The following GDAP2 variants were observed in gnomAD, a reference collection of about 807,000 sequenced individuals.
GDAP2 encodes the protein ganglioside induced differentiation associated protein 2, also known as ganglioside-induced differentiation-associated protein 2.
Under a neutral mutation model 67.0 loss-of-function variants are expected in GDAP2, and 51 were observed. The observed-to-expected ratio is 0.76, with a 90% CI of 0.61 to 0.96. The LOEUF (loss-of-function observed/expected upper bound fraction) is 0.96. Ranked by LOEUF, GDAP2 falls within the 40% of genes least tolerant of loss-of-function variation. GDAP2 has a pLI of 0.00. For missense variants in GDAP2, 547 were observed against 588.3 expected (o/e 0.93, Z 0.73); for synonymous variants, 203 against 207.3 (o/e 0.98, Z 0.18).
rs1349200081 is a variant in GDAP2 at position 117,920,222 on chromosome 1, A to G, written c.136T>C (p.Phe46Leu). Residue 46 changes from phenylalanine to leucine, a missense_variant, in exon 2 of 14, where the codon TTT becomes CTT. Phe to Leu is a conservative substitution (Grantham distance 22). Transcript: ENST00000369443. Reference sequence around the variant, plus strand: ...CCATTGACGTCCTTATTATAAAGAAAAGGTGATCGAACAGTGTCTTCCTGA... The same window carrying G: ...CCATTGACGTCCTTATTATAAAGAAGAGGTGATCGAACAGTGTCTTCCTGA... The part of the protein sequence containing the change: ...IFQEDTVRSP[F>L]LYNKDVNGKV... 1.2e-6 allele frequency: 2 copies of G among 1,608,404 alleles called. No individual in the cohort carries two copies. The highest frequency in any genetic ancestry group is 1.7e-6 in the Non-Finnish European group (2 of 1,176,224).
intron 2 of GDAP2, among the ~76,000 whole-genome samples, chr1:117,919,471 T>G (rs1404090820): frequency 6.6e-6 from 1 of 152,178 alleles, no homozygotes; most frequent in Non-Finnish European, 1.5e-5. Flanking sequence ...TTTATTGTAT[T>G]CATTCCATTT....
At chr1:117,874,332 G>C (rs1648385569) in intron 13 of GDAP2, among the ~76,000 whole-genome samples, 1 of 152,002 alleles carries the variant, frequency 6.6e-6, no homozygotes, top group Admixed American at 6.6e-5. Context: ...TGTTAAAAAG[G>C]GCCTGGCATG....
intron 10 of GDAP2, among the ~76,000 whole-genome samples, chr1:117,884,889 A>C (rs1039890673): frequency 1.3e-5 from 2 of 151,052 alleles, no homozygotes; most frequent in Admixed American, 6.6e-5. Flanking sequence ...CTCAGGCTGG[A>C]GTGCAATGGC....
intron 10 of GDAP2, among the ~76,000 whole-genome samples, chr1:117,884,740 C>T (rs1570969401): frequency 6.6e-6 from 1 of 151,924 alleles, no homozygotes; most frequent in Non-Finnish European, 1.5e-5. Flanking sequence ...GAGGGTCACA[C>T]TGATTATTAA....
Position 117,899,351 on chromosome 1 carries a change from C to A in GDAP2, c.637-135G>T, listed in dbSNP as rs1649369543. 3 of 643,180 alleles carry A rather than the reference C, an allele frequency of 4.7e-6. No homozygotes were observed. In the Admixed American group the frequency reaches 7.7e-5, roughly 17 times the overall value. 39.8% of individuals were successfully genotyped at this position (643,180 alleles called of 1,614,324 possible). A position where few individuals can be genotyped will look rare whatever the true frequency, so the allele number is the denominator to read the frequency against. On this transcript the variant is annotated intron_variant, in intron 6 of 13. Transcript: ENST00000369443. ...AGACTTTACCACTTCTGAGCTCAGA[C>A]TCGATACTGTCTGAAACCCTCAATC...
At chr1:117,918,928 G>A (rs1357893825) in intron 2 of GDAP2, among the ~76,000 whole-genome samples, 192 bp from the exon 3 acceptor site, 2 of 152,158 alleles carry the variant, frequency 1.3e-5, no homozygotes, top group Non-Finnish European at 2.9e-5. Flanking sequence ...TAATGCAATT[G>A]TTATAACCCT....
At chr1:117,921,148 T>G (rs1320951306) in intron 1 of GDAP2, among the ~76,000 whole-genome samples, 3 of 152,204 alleles carry the variant, frequency 2.0e-5, no homozygotes, top group Admixed American at 6.5e-5. Context: ...GTCAAACATC[T>G]ATTTCAGTAA....
intron 2 of GDAP2, among the ~76,000 whole-genome samples, chr1:117,919,244 G>A (rs1432122453): frequency 1.3e-5 from 2 of 151,854 alleles, no homozygotes; most frequent in Non-Finnish European, 2.9e-5. Context: ...CATGGTGGCA[G>A]GCACCTGTAG....
At chr1:117,926,642 A>G (rs1650455236) in intron 1 of GDAP2, among the ~76,000 whole-genome samples, 1 of 152,208 alleles carries the variant, frequency 6.6e-6, no homozygotes, top group African/African-American at 2.4e-5. Context: ...AAATGGAGCC[A>G]CAAACCCAAG....
In GDAP2 at chr1:117,880,170, C is replaced by T. The variant is rs537695507; in HGVS notation, c.1302+1653G>A. Among the ~76,000 whole-genome samples, 4 of 152,172 alleles carry T rather than the reference C, an allele frequency of 2.6e-5. No individual in the cohort carries two copies. The East Asian group carries it at 5.8e-4, about 22-fold the overall frequency. Reference sequence around the variant, plus strand: ...ACTGCACTCCAGTGTGGGTGACAGACTGAGACCCTGTCTCTAAAAAGAGAT... The same window carrying T: ...ACTGCACTCCAGTGTGGGTGACAGATTGAGACCCTGTCTCTAAAAAGAGAT... On this transcript the variant is annotated intron_variant, in intron 12 of 13. Coordinates refer to ENST00000369443, the MANE Select transcript of GDAP2 (RefSeq NM_017686.4).
At chr1:117,885,397 C>T (rs1266736279) in intron 10 of GDAP2, among the ~76,000 whole-genome samples, 2 of 152,068 alleles carry the variant, frequency 1.3e-5, no homozygotes, top group Non-Finnish European at 2.9e-5. Flanking sequence ...GAGATATTTT[C>T]CTTGTTTTTG....
chr1:117,875,313 G>C (rs962943094), intron 13 of GDAP2, among the ~76,000 whole-genome samples: 1 of 152,244 alleles, frequency 6.6e-6, no homozygotes, highest in African/African-American at 2.4e-5. Context: ...AAGGGTCCCA[G>C]GTACTGCTCA....
chr1:117,926,504 C>T (rs1650450937), intron 1 of GDAP2, among the ~76,000 whole-genome samples: 1 of 152,204 alleles, frequency 6.6e-6, no homozygotes, highest in South Asian at 2.1e-4. Context: ...TATGAAGTGT[C>T]ACAGTATTTA....
At chr1:117,891,014 T>G (rs189796301) in intron 8 of GDAP2, among the ~76,000 whole-genome samples, 119 of 151,942 alleles carry the variant, frequency 7.8e-4, no homozygotes, top group Non-Finnish European at 1.2e-3. Context: ...TTCGGATTTT[T>G]GGGATTTGGG....
chr1:117,883,888 ACAAT>A (rs1648755918), intron 10 of GDAP2, among the ~76,000 whole-genome samples: 2 of 152,308 alleles, frequency 1.3e-5, no homozygotes, highest in Non-Finnish European at 2.9e-5. Flanking sequence ...ATAGAGGAGA[ACAAT>A]CAGTCTCTAT....
chr1:117,864,465 G>A lies in GDAP2; in HGVS notation c.*6104C>T, dbSNP rs1647995512. Reference sequence around the variant, plus strand: ...ACATAGTACATGGCAGTACATGCCTGTTGAACTGAAAAGAGCCTGTACTGT... The same window carrying A: ...ACATAGTACATGGCAGTACATGCCTATTGAACTGAAAAGAGCCTGTACTGT... On this transcript the variant is annotated 3_prime_UTR_variant, in exon 14 of 14. Transcript: ENST00000369443. The A allele has an allele frequency of 1.3e-5, 2 of 152,194 alleles. No homozygotes were observed. The highest frequency in any genetic ancestry group is 4.1e-4 in the South Asian group (2 of 4,836). The allele number at this position is 152,194 out of a possible 1,614,324, so 9.4% of individuals were successfully genotyped here.
intron 1 of GDAP2, among the ~76,000 whole-genome samples, chr1:117,924,731 T>C (rs1016340311): frequency 2.0e-5 from 3 of 152,220 alleles, no homozygotes; most frequent in Non-Finnish European, 4.4e-5. Context: ...TATTTGACAC[T>C]AAATACACCT....
At chr1:117,912,152 A>C (rs1027650138) in intron 4 of GDAP2, 70 bp from the exon 5 acceptor site, 2 of 906,806 alleles carry the variant, frequency 2.2e-6, no homozygotes, top group Non-Finnish European at 3.7e-6. Context: ...ATATATAAGT[A>C]ATTTCAAAAT....
chr1:117,906,465 ATAGAAATAAGATT>A (rs1481946176), intron 6 of GDAP2, 28 bp downstream of exon 6: 1 of 1,048,174 alleles, frequency 9.5e-7, no homozygotes. Flanking sequence ...ATGCTTAAAG[ATAGAAATAAGATT>A]TAAATAACGT....
Sources: gnomAD v4.1 joint callset for allele counts (sites outside exome capture counted in the v4.1 genomes callset) on GRCh38, gnomAD v4.1.1 for gene constraint, MANE v1.5 for transcripts, NCBI Gene and HGNC (gene_info 2026-07-23, HGNC 2026-07-21) for gene names.